Variants in GPHN observed in about 807,000 individuals in gnomAD.
The protein encoded by GPHN is gephyrin.
GPHN carries 17 observed loss-of-function variants against 95.5 expected under a neutral mutation model. That is an observed-to-expected ratio of 0.18 (90% CI 0.12 to 0.27). The LOEUF is 0.27. Among genes scored for constraint, GPHN ranks in the 10% least tolerant of loss-of-function variants. GPHN has a pLI of 1.00. For synonymous variants in GPHN, 320 were observed against 322.5 expected (o/e 0.99, Z 0.08); for missense variants, 660 against 978.1 (o/e 0.67, Z 4.34).
chr14:66,783,567 G>T (rs1403443641), intron 3 of GPHN, among the ~76,000 whole-genome samples: 1 of 152,104 alleles, frequency 6.6e-6, no homozygotes, highest in African/African-American at 2.4e-5. Flanking sequence ...CGTAAGTGAG[G>T]CCTGGCAGAG....
At chr14:67,231,999 T>C in the GPHN span, among the ~76,000 whole-genome samples, 4 of 151,918 alleles carry the variant, frequency 2.6e-5, no homozygotes, top group African/African-American at 9.7e-5. Flanking sequence ...AACATGATAA[T>C]TTGTGTCTAT....
intron 1 of GPHN, among the ~76,000 whole-genome samples, chr14:66,529,726 C>T (rs1189669434): frequency 6.6e-6 from 1 of 152,184 alleles, no homozygotes; most frequent in Admixed American, 6.5e-5. Context: ...TCAGGCCTCT[C>T]TGCTGAAGGT....
Position 67,113,110 on chromosome 14 carries a change from G to A in GPHN, c.1565G>A (p.Gly522Asp), listed in dbSNP as rs2078471493. ...GAGATTGGTCTTCTGGCAACTGTAG[G>A]TGTCACAGAGGTTGAAGTTAATAAG... ...PSEIGLLATV[G>D]VTEVEVNKFP... Residue 522 changes from glycine (G) to aspartate (D), a missense_variant, in exon 16 of 23, where the codon GGT becomes GAT. Gly to Asp is a moderately conservative substitution (Grantham distance 94). Around this residue, in one of 6 missense-constraint regions of GPHN, gnomAD observed 257 missense variants for 376.2 expected, o/e 0.68. Coordinates refer to ENST00000478722, the MANE Select transcript of GPHN (RefSeq NM_020806.5). 1 of 1,613,650 alleles carries A rather than the reference G, an allele frequency of 6.2e-7. No individual in the cohort carries two copies. The highest frequency in any genetic ancestry group is 1.7e-5 in the Admixed American group (1 of 59,980).
At chr14:67,016,601 C>G (rs1039526465) in intron 9 of GPHN, among the ~76,000 whole-genome samples, 2 of 152,026 alleles carry the variant, frequency 1.3e-5, no homozygotes, top group Non-Finnish European at 2.9e-5. Context: ...TCAAGGGACC[C>G]ATTGACCTGA....
chr14:66,885,516 G>T (rs1303819231), intron 5 of GPHN, among the ~76,000 whole-genome samples: 1 of 152,034 alleles, frequency 6.6e-6, no homozygotes, highest in East Asian at 1.9e-4. Flanking sequence ...CAAATATTGG[G>T]GATCCAGGTT....
the GPHN span, among the ~76,000 whole-genome samples, chr14:67,540,594 C>G: frequency 6.6e-6 from 1 of 150,782 alleles, no homozygotes; most frequent in Non-Finnish European, 1.5e-5. Flanking sequence ...CCATTGTACT[C>G]CAGTGTGGCT....
the GPHN span, chr14:67,726,877 A>G: frequency 2.0e-6 from 2 of 1,019,404 alleles, no homozygotes; most frequent in Non-Finnish European, 3.0e-6. Context: ...AAATTGGTTC[A>G]CACCCAGAAG....
At chr14:67,061,492 A>G (rs1208998854) in intron 11 of GPHN, among the ~76,000 whole-genome samples, 2 of 152,306 alleles carry the variant, frequency 1.3e-5, no homozygotes, top group Admixed American at 1.3e-4. Context: ...ACTCTTCAGC[A>G]GTTTTTTCAT....
the GPHN span, chr14:67,587,160 C>T: frequency 1.9e-6 from 3 of 1,613,948 alleles, no homozygotes; most frequent in Non-Finnish European, 2.5e-6. Flanking sequence ...CCGGAGCCTG[C>T]CAGCTGTGGG....
At chr14:67,473,496 C>T in the GPHN span, 1 of 1,614,152 alleles carries the variant, frequency 6.2e-7, no homozygotes, top group Admixed American at 1.7e-5. The surrounding 1 kb of genome is among the most constrained non-coding windows in gnomAD (Gnocchi z 6.5). Flanking sequence ...CTTGTCGAAG[C>T]GGAGGCGGAG....
the GPHN span, among the ~76,000 whole-genome samples, chr14:67,303,764 C>T: frequency 1.2e-4 from 18 of 152,132 alleles, no homozygotes; most frequent in East Asian, 3.3e-3. Context: ...GTAAACTCTG[C>T]ACCTTTTTTT....
chr14:67,011,834 TTA>T (rs375784376), intron 9 of GPHN, among the ~76,000 whole-genome samples: 38 of 148,072 alleles, frequency 2.6e-4, no homozygotes, highest in African/African-American at 8.8e-4. Context: ...TACACAGATT[TTA>T]TATATATATA....
At chr14:67,299,401 C>A in the GPHN span, among the ~76,000 whole-genome samples, 1 of 152,138 alleles carries the variant, frequency 6.6e-6, no homozygotes, top group Non-Finnish European at 1.5e-5. Flanking sequence ...TCTTTTACTT[C>A]CTTCCTTTTG....
chr14:66,695,163 A>G (rs56034749), intron 2 of GPHN, among the ~76,000 whole-genome samples: 8,927 of 152,214 alleles, frequency 0.059, 360 homozygotes, highest in Middle Eastern at 0.099. Context: ...TCTGTCTTAA[A>G]AAAATAAATA....
intron 9 of GPHN, among the ~76,000 whole-genome samples, chr14:66,999,457 A>G (rs2072067862): frequency 6.6e-6 from 1 of 151,832 alleles, no homozygotes; most frequent in Non-Finnish European, 1.5e-5. Context: ...CATGTAATTT[A>G]TTGTTATGTA....
At chr14:67,552,746 G>A in the GPHN span, among the ~76,000 whole-genome samples, 9 of 145,932 alleles carry the variant, frequency 6.2e-5, no homozygotes, top group East Asian at 4.1e-4. Context: ...CAGCCTGGGC[G>A]ACAGAGCAAG....
At chr14:67,681,554 G>A in the GPHN span, among the ~76,000 whole-genome samples, 1 of 152,168 alleles carries the variant, frequency 6.6e-6, no homozygotes, top group South Asian at 2.1e-4. Flanking sequence ...AGGCCGAGGA[G>A]GGGGATCACT....
the GPHN span, among the ~76,000 whole-genome samples, chr14:67,661,529 CTTTTTTT>C: frequency 9.1e-6 from 1 of 110,076 alleles, no homozygotes; most frequent in Non-Finnish European, 1.8e-5. Flanking sequence ...GAACAGTAAC[CTTTTTTT>C]TTTTTTTTTT....
chr14:66,682,681 C>T (rs1595529876), intron 2 of GPHN, among the ~76,000 whole-genome samples: 1 of 151,992 alleles, frequency 6.6e-6, no homozygotes, highest in Non-Finnish European at 1.5e-5. Flanking sequence ...ACCCGGGTGG[C>T]GGAGGTTTCA....
Sources: allele counts gnomAD v4.1 joint callset (sites outside exome capture counted in the v4.1 genomes callset), GRCh38; gene constraint gnomAD v4.1.1; regional missense constraint gnomAD v4.1.1; non-coding constraint Gnocchi (gnomAD v3.1); transcripts MANE v1.5; gene names NCBI Gene and HGNC (gene_info 2026-07-23, HGNC 2026-07-21).